DGKB: variants seen among roughly 807,000 people sequenced by gnomAD.
The protein encoded by DGKB is 90 kDa diacylglycerol kinase.
In DGKB, 67 loss-of-function variants were observed where a neutral mutation model predicts 114.3. The observed-to-expected ratio is 0.59, with a 90% confidence interval of 0.48 to 0.72. The LOEUF (loss-of-function observed/expected upper bound fraction) is 0.72. Ranked by LOEUF, DGKB falls within the 30% of genes least tolerant of loss-of-function variation. The pLI, the probability that DGKB is intolerant of heterozygous loss-of-function variation, is 0.00. For synonymous variants in DGKB, 398 were observed against 323.1 expected (o/e 1.23, Z -2.49); for missense variants, 907 against 975.2 (o/e 0.93, Z 0.93).
At chr7:14,535,899 T>C (rs1424927512) in intron 20 of DGKB, among the ~76,000 whole-genome samples, 1 of 151,776 alleles carries the variant, frequency 6.6e-6, no homozygotes, top group Admixed American at 6.6e-5. Context: ...TTTTTTAAGA[T>C]AAACAAAATT....
chr7:14,852,491 A>AAAAAAAAAAAAAAAAAAAAAAC, intron 1 of DGKB, among the ~76,000 whole-genome samples: 1 of 149,580 alleles, frequency 6.7e-6, no homozygotes, highest in Middle Eastern at 3.5e-3. Context: ...GAAAGTCAAA[A>AAAAAAAAAAAAAAAAAAAAAAC]AAAAAACAGA....
intron 23 of DGKB, among the ~76,000 whole-genome samples, chr7:14,246,466 CT>C (rs1343293000): frequency 1.3e-5 from 2 of 152,156 alleles, no homozygotes; most frequent in African/African-American, 4.8e-5. Context: ...TGGCAAACGG[CT>C]TGTCAGATTG....
intron 5 of DGKB, among the ~76,000 whole-genome samples, chr7:14,729,279 C>T (rs1354908848): frequency 4.3e-5 from 6 of 137,954 alleles, no homozygotes; most frequent in African/African-American, 1.5e-4. Context: ...CCTGCCACCA[C>T]ATCCGGCTAA....
chr7:14,800,297 T>C (rs1474140199), intron 2 of DGKB, among the ~76,000 whole-genome samples: 1 of 152,204 alleles, frequency 6.6e-6, no homozygotes, highest in East Asian at 1.9e-4. Flanking sequence ...CTTGATTGGA[T>C]TGAAGGGTAC....
chr7:14,438,834 A>C (rs991328986), intron 21 of DGKB, among the ~76,000 whole-genome samples: 8 of 152,152 alleles, frequency 5.3e-5, no homozygotes, highest in African/African-American at 1.7e-4. Flanking sequence ...TATCTTTTGA[A>C]AGGTTAACAC....
At position 14,145,910 on chromosome 7, in the gene DGKB, C is replaced by T. The variant is rs1003902479; in HGVS notation, c.*3221G>A. 6.6e-6 allele frequency: 1 copy of T among 152,256 alleles called. No individual in the cohort carries two copies. Among genetic ancestry groups the T allele is most frequent in the African/African-American group, 2.4e-5 (1 of 41,548 alleles). 9.4% of individuals were successfully genotyped at this position (152,256 alleles called of 1,614,324 possible). A position where few individuals can be genotyped will look rare whatever the true frequency, so the allele number is the denominator to read the frequency against. On this transcript the variant is annotated 3_prime_UTR_variant, in exon 26 of 26. Coordinates refer to ENST00000402815, the MANE Select transcript of DGKB (RefSeq NM_001350709.2). ...AAACATATTCTTCCCTGAAAAATTG[C>T]AACTACTTCCCATATGCCTAAAAAA...
chr7:14,196,749 T>G (rs1416828628), intron 23 of DGKB, among the ~76,000 whole-genome samples: 1 of 152,008 alleles, frequency 6.6e-6, no homozygotes, highest in Non-Finnish European at 1.5e-5. Flanking sequence ...TCTAGTCACC[T>G]TATGACTCAT....
intron 13 of DGKB, among the ~76,000 whole-genome samples, chr7:14,631,176 G>C (rs768758838): frequency 4.1e-5 from 6 of 145,596 alleles, no homozygotes; most frequent in Non-Finnish European, 7.5e-5. Context: ...GGCAGTGCTA[G>C]ATCACCAAGA....
intron 2 of DGKB, among the ~76,000 whole-genome samples, chr7:14,765,201 T>C (rs1165018828): frequency 6.6e-6 from 1 of 151,942 alleles, no homozygotes; most frequent in African/African-American, 2.4e-5. Context: ...AACCAAACCC[T>C]CTATTCAGGT....
intron 21 of DGKB, among the ~76,000 whole-genome samples, chr7:14,384,077 T>C (rs1015741301): frequency 1.3e-5 from 2 of 152,234 alleles, no homozygotes; most frequent in East Asian, 3.8e-4. Context: ...TAGTCATTCC[T>C]ACCTTAATTT....
chr7:14,344,176 C>G (rs10248432), intron 22 of DGKB, among the ~76,000 whole-genome samples: 6,489 of 151,002 alleles, frequency 0.043, 407 homozygotes, highest in African/African-American at 0.15. Context: ...CCACGTTGAA[C>G]CCAAATCCTT....
chr7:14,303,064 C>T (rs1447507061), intron 23 of DGKB, among the ~76,000 whole-genome samples: 1 of 152,076 alleles, frequency 6.6e-6, no homozygotes, highest in Admixed American at 6.6e-5. Flanking sequence ...TTTATTTAGC[C>T]CAGATATGTA....
intron 21 of DGKB, among the ~76,000 whole-genome samples, chr7:14,410,693 C>A (rs939921990): frequency 2.6e-5 from 4 of 151,992 alleles, no homozygotes; most frequent in Non-Finnish European, 4.4e-5. Flanking sequence ...AGAAATTTGA[C>A]AAAATGAGTA....
chr7:14,497,597 C>T (rs1475211725), intron 20 of DGKB, among the ~76,000 whole-genome samples: 3 of 151,832 alleles, frequency 2.0e-5, no homozygotes, highest in African/African-American at 7.2e-5. Context: ...CATAAATAGC[C>T]TCTGCTGCAT....
chr7:14,324,695 G>A (rs919891747), intron 23 of DGKB, among the ~76,000 whole-genome samples: 4 of 152,030 alleles, frequency 2.6e-5, no homozygotes, highest in Admixed American at 2.6e-4. Context: ...ACCCTGTGAT[G>A]TTTTCCTTTT....
chr7:14,383,674 CCTAA>C (rs1217668459), intron 21 of DGKB, among the ~76,000 whole-genome samples: 2 of 152,300 alleles, frequency 1.3e-5, no homozygotes, highest in African/African-American at 2.4e-5. Context: ...GAGGCTCCTT[CCTAA>C]CTGAGTCAAC....
chr7:14,712,011 A>T (rs1160113361), intron 6 of DGKB, among the ~76,000 whole-genome samples: 1 of 152,200 alleles, frequency 6.6e-6, no homozygotes, highest in Non-Finnish European at 1.5e-5. Context: ...GTTTGGAAGA[A>T]AACAACAAAG....
chr7:14,148,890 C>CA lies in DGKB; in HGVS notation c.*240dup, dbSNP rs1781770319. 1.0e-5 allele frequency: 5 copies of CA among 501,160 alleles called. No individual in the cohort carries two copies. Among genetic ancestry groups the CA allele is most frequent in the Non-Finnish European group, 1.8e-5 (5 of 283,320 alleles). The allele number at this position is 501,160 out of a possible 1,614,324, so 31.0% of individuals were successfully genotyped here. A position where few individuals can be genotyped will look rare whatever the true frequency, so the allele number is the denominator to read the frequency against. On this transcript the variant is annotated 3_prime_UTR_variant, in exon 26 of 26. Coordinates refer to ENST00000402815, the MANE Select transcript of DGKB (RefSeq NM_001350709.2). ...TAAAAATCTATGGGAATGCATGCAC[C>CA]AAAAATATGCAGTATCACTTCAGGT... is the stretch of plus-strand genomic sequence containing the variant.
At chr7:14,254,884 C>A (rs76438051) in intron 23 of DGKB, among the ~76,000 whole-genome samples, 4,109 of 152,148 alleles carry the variant, frequency 0.027, 193 homozygotes, top group African/African-American at 0.093. Context: ...ATTTTCTTAC[C>A]ATGAGTATTC....
Sources: gnomAD v4.1 joint callset for allele counts (sites outside exome capture counted in the v4.1 genomes callset) on GRCh38, gnomAD v4.1.1 for gene constraint, MANE v1.5 for transcripts, NCBI Gene and HGNC (gene_info 2026-07-23, HGNC 2026-07-21) for gene names.